The following HECW1 variants were observed in gnomAD, a reference collection of about 807,000 sequenced individuals.
The protein encoded by HECW1 is HECT, C2 and WW domain containing E3 ubiquitin protein ligase 1, also known as E3 ubiquitin-protein ligase HECW1.
A neutral mutation model predicts 182.3 loss-of-function variants in HECW1; 61 were observed. The observed-to-expected ratio is 0.33, with a 90% CI of 0.27 to 0.41. The LOEUF is 0.41. HECW1 is among the 10% of genes least tolerant of loss of function. The probability of loss-of-function intolerance (pLI) is 1.00; values close to 1 mark genes in which losing one functional copy is unlikely to be tolerated. For missense variants in HECW1, 1,739 were observed against 2,108.9 expected (o/e 0.82, Z 3.44); for synonymous variants, 859 against 832.6 (o/e 1.03, Z -0.55).
rs117200234 is a variant in HECW1 at position 43,505,279 on chromosome 7, C to T, written c.3632-1858C>T. On this transcript the variant is annotated intron_variant, in intron 21 of 29. Transcript: ENST00000395891. Reference sequence around the variant, plus strand: ...CAGTTACAAAATCTGAAACCCACCTCTCCTCCACTACCTGTATCCAATTCA... The same window carrying T: ...CAGTTACAAAATCTGAAACCCACCTTTCCTCCACTACCTGTATCCAATTCA... 1.1e-3 allele frequency among the ~76,000 whole-genome samples: 175 copies of T among 152,342 alleles called. 3 individuals are homozygous for T. The East Asian group carries it at 0.026, about 23-fold the overall frequency.
chr7:43,265,359 G>A (rs1020165006), intron 3 of HECW1, among the ~76,000 whole-genome samples: 5 of 152,116 alleles, frequency 3.3e-5, no homozygotes, highest in Admixed American at 3.3e-4. Flanking sequence ...TAACCACAGC[G>A]GGCCAGGAAG....
chr7:43,415,419 C>T (rs1245042644), intron 8 of HECW1, among the ~76,000 whole-genome samples: 254 of 147,982 alleles, frequency 1.7e-3, no homozygotes, highest in African/African-American at 6.1e-3. Flanking sequence ...GATGGGCTTC[C>T]CTTTGAGGGT....
At chr7:43,245,871 A>C (rs1394504136) in intron 3 of HECW1, 2 of 152,148 alleles carry the variant, frequency 1.3e-5, no homozygotes, top group Non-Finnish European at 2.9e-5. Flanking sequence ...CTTACCCCGC[A>C]CCTTACTCAG....
chr7:43,334,104 C>T (rs1024316273), intron 5 of HECW1, among the ~76,000 whole-genome samples: 1 of 152,236 alleles, frequency 6.6e-6, no homozygotes, highest in African/African-American at 2.4e-5. Context: ...TGCATAGCCA[C>T]AGCTGTTTTT....
chr7:43,311,253 A>G (rs1308857547), intron 3 of HECW1, among the ~76,000 whole-genome samples: 1 of 152,194 alleles, frequency 6.6e-6, no homozygotes, highest in Non-Finnish European at 1.5e-5. Flanking sequence ...AAAGATGTAA[A>G]TGGAGGAGTG....
At chr7:43,358,815 A>C (rs1488546447) in intron 5 of HECW1, among the ~76,000 whole-genome samples, 1 of 131,188 alleles carries the variant, frequency 7.6e-6, no homozygotes, top group East Asian at 2.2e-4. Context: ...CTTAAAATAT[A>C]TTCTTTTTTT....
chr7:43,237,072 A>AGGGAGGGAGGGAGGAAGCAGGGAT (rs1373810169), intron 2 of HECW1, among the ~76,000 whole-genome samples: 2 of 140,142 alleles, frequency 1.4e-5, no homozygotes, highest in African/African-American at 5.3e-5. Context: ...GAGGAGAAGG[A>AGGGAGGGAGGGAGGAAGCAGGGAT]GGGAGGGAGG....
intron 2 of HECW1, among the ~76,000 whole-genome samples, chr7:43,207,318 T>C (rs1313208054): frequency 6.6e-6 from 1 of 152,212 alleles, no homozygotes; most frequent in African/African-American, 2.4e-5. Context: ...AGTGCTGGGA[T>C]TACAGATGTG....
At chr7:43,346,961 C>A (rs1813766972) in intron 5 of HECW1, among the ~76,000 whole-genome samples, 1 of 152,144 alleles carries the variant, frequency 6.6e-6, no homozygotes, top group Non-Finnish European at 1.5e-5. Flanking sequence ...CTTAATCTTG[C>A]ATTGGCTATG....
At chr7:43,235,258 CT>C (rs1291189436) in intron 2 of HECW1, among the ~76,000 whole-genome samples, 9 of 152,200 alleles carry the variant, frequency 5.9e-5, no homozygotes, top group African/African-American at 1.9e-4. Context: ...AGAGTACCCC[CT>C]GCTCTGAGGA....
chr7:43,300,693 G>A (rs999959872), intron 3 of HECW1, among the ~76,000 whole-genome samples: 1 of 152,156 alleles, frequency 6.6e-6, no homozygotes, highest in Non-Finnish European at 1.5e-5. Flanking sequence ...GATCACAAAA[G>A]GAAAGTGCTG....
intron 6 of HECW1, among the ~76,000 whole-genome samples, chr7:43,379,833 A>G (rs1356402008): frequency 6.6e-6 from 1 of 151,872 alleles, no homozygotes; most frequent in Non-Finnish European, 1.5e-5. Context: ...TTCTCCAATC[A>G]CTATTTTCAT....
At chr7:43,491,143 T>C (rs1315935237) in intron 17 of HECW1, among the ~76,000 whole-genome samples, 2 of 152,212 alleles carry the variant, frequency 1.3e-5, no homozygotes, top group Non-Finnish European at 2.9e-5. Context: ...TCAAAATGCC[T>C]AAGCTGAACC....
intron 2 of HECW1, among the ~76,000 whole-genome samples, chr7:43,154,993 C>T (rs1373221900): frequency 6.6e-6 from 1 of 152,128 alleles, no homozygotes; most frequent in East Asian, 1.9e-4. Context: ...TTTAGTGTAA[C>T]CTTCTGTGAG....
At chr7:43,221,129 AC>A (rs1796902198) in intron 2 of HECW1, among the ~76,000 whole-genome samples, 1 of 152,108 alleles carries the variant, frequency 6.6e-6, no homozygotes, top group African/African-American at 2.4e-5. Context: ...AGTACATATT[AC>A]TTTTGTTACT....
chr7:43,438,423 C>T (rs972444062), intron 9 of HECW1: 6 of 235,960 alleles, frequency 2.5e-5, no homozygotes, highest in Non-Finnish European at 4.9e-5. Flanking sequence ...AAGAAGCCCT[C>T]AATGGGGCAT....
intron 27 of HECW1, among the ~76,000 whole-genome samples, chr7:43,551,369 C>T (rs987079876): frequency 7.9e-5 from 12 of 152,170 alleles, no homozygotes; most frequent in African/African-American, 2.9e-4. Context: ...ACCCAGCTAG[C>T]TCAGTCCAGT....
chr7:43,380,718 AG>A (rs1281009019), intron 6 of HECW1, among the ~76,000 whole-genome samples: 8 of 151,824 alleles, frequency 5.3e-5, no homozygotes, highest in Non-Finnish European at 1.2e-4. Context: ...TAGTAGAGAC[AG>A]GGTTTCACCA....
chr7:43,441,628 T>C lies in HECW1; in HGVS notation c.945-901T>C, dbSNP rs189279591. ...GGCCAGGTAGTAAATATTTTAGGCT[T>C]TGCAAGGCCCACAGTCCCTGTCTAA... On this transcript the variant is annotated intron_variant, in intron 9 of 29. Coordinates refer to ENST00000395891, the MANE Select transcript of HECW1 (RefSeq NM_015052.5). Among the ~76,000 whole-genome samples the C allele has an allele frequency of 3.1e-3, 477 of 152,282 alleles. 1 individual carries two copies. Among genetic ancestry groups the C allele is most frequent in the African/African-American group, 0.011 (466 of 41,558 alleles).
Sources: allele counts gnomAD v4.1 joint callset (sites outside exome capture counted in the v4.1 genomes callset), GRCh38; gene constraint gnomAD v4.1.1; transcripts MANE v1.5; gene names NCBI Gene and HGNC (gene_info 2026-07-23, HGNC 2026-07-21).